The following ADAMTSL2 variants were observed in gnomAD, a reference collection of about 807,000 sequenced individuals.
ADAMTSL2 encodes ADAMTS like 2.
Under a neutral mutation model 117.0 loss-of-function variants are expected in ADAMTSL2, and 55 were observed. The observed-to-expected ratio is 0.47, with a 90% CI of 0.38 to 0.59. The LOEUF is 0.59. Among genes scored for constraint, ADAMTSL2 ranks in the 20% least tolerant of loss-of-function variants. The pLI, the probability that ADAMTSL2 is intolerant of heterozygous loss-of-function variation, is 0.00. For synonymous variants in ADAMTSL2, 572 were observed against 566.4 expected (o/e 1.01, Z -0.14); for missense variants, 1,182 against 1,354.5 (o/e 0.87, Z 2.00).
rs1490112896 is a variant in ADAMTSL2, at chr9:133,540,881, A to G, written c.562A>G (p.Ile188Val). The change falls in exon 7 of 19, where the codon ATC becomes GTC. Residue 188 changes from isoleucine (I) to valine (V), a missense_variant. Ile to Val is a conservative substitution (Grantham distance 29). Around this residue, in one of 3 missense-constraint regions of ADAMTSL2, gnomAD observed 372 missense variants for 463.4 expected, o/e 0.80. Transcript: ENST00000651351. Reference sequence around the variant, plus strand: ...CTCTCCCTCTCCCTTCCTGCAGCCCATCGGCTGTGACGGGGTGCTTTTCTC... The same window carrying G: ...CTCTCCCTCTCCCTTCCTGCAGCCCGTCGGCTGTGACGGGGTGCTTTTCTC... ...GVCVSGKCEP[I>V]GCDGVLFSTH... 3 of 1,613,226 alleles carry G rather than the reference A, an allele frequency of 1.9e-6. No individual in the cohort carries two copies. The highest frequency in any genetic ancestry group is 2.7e-5 in the African/African-American group (2 of 75,034).
chr9:133,541,722 C>G (rs1003376900), intron 7 of ADAMTSL2, among the ~76,000 whole-genome samples: 7 of 152,222 alleles, frequency 4.6e-5, no homozygotes, highest in African/African-American at 1.7e-4. Context: ...GCTGACCCAG[C>G]CCAGAACCCC....
chr9:133,574,905 C>T lies in ADAMTSL2; in HGVS notation c.*41C>T. On this transcript the variant is annotated 3_prime_UTR_variant, in exon 19 of 19. Coordinates refer to ENST00000651351, the MANE Select transcript of ADAMTSL2 (RefSeq NM_014694.4). ...CCCCTTCCAGATGAAGACCAAGCGC[C>T]CCTCCTGGGGCTGCTGCAGCTTCTG... 6.5e-7 allele frequency: 1 copy of T among 1,531,720 alleles called. No homozygotes were observed. Among genetic ancestry groups the T allele is most frequent in the South Asian group, 1.1e-5 (1 of 89,564 alleles). The allele number at this position is 1,531,720 out of a possible 1,614,324, so 94.9% of individuals were successfully genotyped here.
chr9:133,540,507 G>C, intron 5 of ADAMTSL2, 91 bp from the exon 6 acceptor site: 1 of 1,527,268 alleles, frequency 6.5e-7, no homozygotes, highest in Non-Finnish European at 8.9e-7. Flanking sequence ...CTATGCAATG[G>C]GAGCTGTCTC....
rs1830122106 is a variant in ADAMTSL2, at chr9:133,538,907, A to G, written c.309+483A>G. 1.3e-5 allele frequency among the ~76,000 whole-genome samples: 2 copies of G among 151,054 alleles called. 1 individual carries two copies. The highest frequency in any genetic ancestry group is 4.2e-4 in the South Asian group (2 of 4,750). ...AGCCGAGGCTGAAGAGGAGGTTCTG[A>G]CTCTGACCAGGCAGCTCTCAGTGGG... On this transcript the variant is annotated intron_variant, in intron 4 of 18. Coordinates refer to ENST00000651351, the MANE Select transcript of ADAMTSL2 (RefSeq NM_014694.4).
At chr9:133,544,366 T>C in intron 7 of ADAMTSL2, 104 bp from the exon 8 acceptor site, 1 of 991,354 alleles carries the variant, frequency 1.0e-6, no homozygotes, top group South Asian at 1.3e-5. Flanking sequence ...GGGCCAGCCC[T>C]TAGACAGCCA....
intron 12 of ADAMTSL2, among the ~76,000 whole-genome samples, chr9:133,564,799 G>A (rs917471284): frequency 6.6e-6 from 1 of 151,984 alleles, no homozygotes; most frequent in Non-Finnish European, 1.5e-5. Context: ...GAATGGCACT[G>A]GGCAGAAATA....
At chr9:133,564,219 GGA>G (rs1447435736) in intron 12 of ADAMTSL2, among the ~76,000 whole-genome samples, 2 of 10,492 alleles carry the variant, frequency 1.9e-4, no homozygotes, top group Admixed American at 2.0e-3. Flanking sequence ...AGAGGGAGAG[GGA>G]GAGAGAGGGA....
chr9:133,567,101 G>A, intron 13 of ADAMTSL2, 39 bp downstream of exon 13: 1 of 1,578,504 alleles, frequency 6.3e-7, no homozygotes, highest in Non-Finnish European at 8.6e-7. Context: ...GGGTCGGCAG[G>A]GGGCGTGAGG....
intron 5 of ADAMTSL2, 30 bp from the exon 6 acceptor site, chr9:133,540,567 GA>G: frequency 6.2e-7 from 1 of 1,611,968 alleles, no homozygotes; most frequent in Non-Finnish European, 8.5e-7. Flanking sequence ...CTGCCCCGCT[GA>G]AACCTTCTGT....
At position 133,537,497 on chromosome 9, in the gene ADAMTSL2, C is replaced by T; in HGVS notation, c.183C>T (p.Arg61=). Residue 61 remains arginine, a synonymous_variant, in exon 3 of 19, where the codon CGC becomes CGT. Coordinates refer to ENST00000651351, the MANE Select transcript of ADAMTSL2 (RefSeq NM_014694.4). ...GEWTKWTACS[R]SCGGGVTSQE... is the part of the protein sequence containing the mutation. ...GGACCAAGTGGACGGCGTGTTCCCG[C>T]AGTTGCGGGGGTGGGGTGACATCCC... 1 of 1,353,286 alleles carries T rather than the reference C, an allele frequency of 7.4e-7. No individual in the cohort carries two copies. The highest frequency in any genetic ancestry group is 9.6e-7 in the Non-Finnish European group (1 of 1,044,094). The allele number at this position is 1,353,286 out of a possible 1,614,324, so 83.8% of individuals were successfully genotyped here.
At position 133,562,770 on chromosome 9, in the gene ADAMTSL2, A is replaced by G. The variant is rs1482519050; in HGVS notation, c.1747+1475A>G. On this transcript the variant is annotated intron_variant, in intron 12 of 18. Transcript: ENST00000651351. ...TGGGCACCGGCTTGGCCAGGCTCGC[A>G]CCGCTGTGGGCGGCGTGGTGGGCAC... 3.7e-4 allele frequency among the ~76,000 whole-genome samples: 41 copies of G among 109,524 alleles called. 1 individual carries two copies. The highest frequency in any genetic ancestry group is 1.5e-3 in the African/African-American group (41 of 27,278). The allele number at this position is 109,524 out of a possible 152,430, so 71.9% of individuals were successfully genotyped here. A position where few individuals can be genotyped will look rare whatever the true frequency, so the allele number is the denominator to read the frequency against.
At chr9:133,537,225 C>T (rs950141917) in intron 2 of ADAMTSL2, among the ~76,000 whole-genome samples, 180 bp from the exon 3 acceptor site, 23 of 152,178 alleles carry the variant, frequency 1.5e-4, no homozygotes, top group African/African-American at 4.8e-4. Context: ...CTTGGGAGTT[C>T]CCCCCAGCGC....
intron 17 of ADAMTSL2, 58 bp downstream of exon 17, chr9:133,570,565 C>T (rs970945274): frequency 4.7e-5 from 72 of 1,545,634 alleles, no homozygotes; most frequent in East Asian, 1.7e-4. Flanking sequence ...ATGTCGATCC[C>T]GCCCCTCCCG....
rs1830660590 is a variant in ADAMTSL2, at chr9:133,558,624, G to A, written c.1650-2574G>A. Among the ~76,000 whole-genome samples, 1 of 152,230 alleles carries A rather than the reference G, an allele frequency of 6.6e-6. No homozygotes were observed. ...TCCTGCCTGGGGAGCCCGTGAGCCTGTGTCTGGCCGGGCATCTGGGCGAAG... is the reference window on the plus strand; with the variant it reads ...TCCTGCCTGGGGAGCCCGTGAGCCTATGTCTGGCCGGGCATCTGGGCGAAG... On this transcript the variant is annotated intron_variant, in intron 11 of 18. Transcript: ENST00000651351. The surrounding 1 kb of genome is among the most constrained non-coding windows in gnomAD (Gnocchi z 4.3).
At position 133,536,690 on chromosome 9, in the gene ADAMTSL2, T is replaced by G; in HGVS notation, c.-23T>G. The G allele has an allele frequency of 6.2e-7, 1 of 1,614,138 alleles. No individual in the cohort carries two copies. Among genetic ancestry groups the G allele is most frequent in the African/African-American group, 1.3e-5 (1 of 75,036 alleles). ...AAGAGGATCGGAGCTGGCCTGGTGG[T>G]GACAGTGGCCTTGCTTCCTAGGATG... On this transcript the variant is annotated 5_prime_UTR_variant, in exon 2 of 19. Transcript: ENST00000651351.
Position 133,540,922 on chromosome 9 carries a change from C to T in ADAMTSL2, c.603C>T (p.Asp201=), listed in dbSNP as rs200686054. The T allele has an allele frequency of 6.2e-7, 1 of 1,613,456 alleles. No homozygotes were observed. Among genetic ancestry groups the T allele is most frequent in the Admixed American group, 1.7e-5 (1 of 60,030 alleles). Residue 201 remains aspartate (D), a synonymous_variant, in exon 7 of 19, where the codon GAC becomes GAT. Coordinates refer to ENST00000651351, the MANE Select transcript of ADAMTSL2 (RefSeq NM_014694.4). ...DGVLFSTHTL[D]KCGICQGDGS... ...TGCTTTTCTCCACCCACACACTGGA[C>T]AAGTGTGGCATCTGCCAGGGGGACG...
At chr9:133,544,345 G>A (rs1830298055) in intron 7 of ADAMTSL2, 125 bp from the exon 8 acceptor site, 1 of 831,764 alleles carries the variant, frequency 1.2e-6, no homozygotes, top group East Asian at 2.5e-5. Context: ...ACACAAGCGG[G>A]TGTGGGGGTT....
At position 133,558,336 on chromosome 9, in the gene ADAMTSL2, C is replaced by T. The variant is rs1399431728; in HGVS notation, c.1649+2406C>T. ...CCACCAGGCCAAAATAGCCACGTCT[C>T]GGCCGAGTTGTCCAAACACAGGAAG... On this transcript the variant is annotated intron_variant, in intron 11 of 18. Coordinates refer to ENST00000651351, the MANE Select transcript of ADAMTSL2 (RefSeq NM_014694.4). This position sits in a 1 kb window ranked among gnomAD's most constrained non-coding sequence, Gnocchi z 4.3. 1.3e-5 allele frequency among the ~76,000 whole-genome samples: 2 copies of T among 152,318 alleles called. No homozygotes were observed. Among genetic ancestry groups the T allele is most frequent in the Admixed American group, 1.3e-4 (2 of 15,304 alleles).
chr9:133,540,452 G>C, intron 5 of ADAMTSL2, 146 bp from the exon 6 acceptor site: 3 of 1,147,454 alleles, frequency 2.6e-6, no homozygotes, highest in Non-Finnish European at 3.8e-6. Flanking sequence ...CTGCCACTGA[G>C]ACCTGGACAG....
Sources: allele counts gnomAD v4.1 joint callset (sites outside exome capture counted in the v4.1 genomes callset), GRCh38; gene constraint gnomAD v4.1.1; regional missense constraint gnomAD v4.1.1; non-coding constraint Gnocchi (gnomAD v3.1); transcripts MANE v1.5; gene names NCBI Gene and HGNC (gene_info 2026-07-23, HGNC 2026-07-21).